Variants in ATP8B4 observed in about 807,000 individuals in gnomAD.
ATP8B4 encodes ATPase phospholipid transporting 8B4 (putative), also known as probable phospholipid-transporting ATPase IM.
A neutral mutation model predicts 145.6 loss-of-function variants in ATP8B4; 133 were observed. That is an observed-to-expected ratio of 0.91 (90% confidence interval 0.79 to 1.05). ATP8B4 has a LOEUF of 1.05. Ranked by LOEUF, ATP8B4 falls within the 50% of genes least tolerant of loss-of-function variation. The probability of loss-of-function intolerance (pLI) is 0.00; values close to 1 mark genes in which losing one functional copy is unlikely to be tolerated. For missense variants in ATP8B4, 1,458 were observed against 1,425.2 expected, an observed-to-expected ratio of 1.02 and a Z score of -0.37; for synonymous variants, 507 against 492.9, an observed-to-expected ratio of 1.03 and a Z score of -0.38.
chr15:50,008,312 G>A (rs2048468192), intron 7 of ATP8B4, among the ~76,000 whole-genome samples: 2 of 152,140 alleles, frequency 1.3e-5, no homozygotes, highest in African/African-American at 2.4e-5. Flanking sequence ...GACACTCCTA[G>A]GAGAGAGGCG....
chr15:50,165,975 A>AGAG, intron 1 of ATP8B4, among the ~76,000 whole-genome samples: 1 of 73,790 alleles, frequency 1.4e-5, no homozygotes, highest in Non-Finnish European at 2.7e-5. Flanking sequence ...CAGAGAACAC[A>AGAG]CACACACACA....
At chr15:49,917,659 T>G (rs2039878569) in intron 19 of ATP8B4, among the ~76,000 whole-genome samples, 1 of 152,212 alleles carries the variant, frequency 6.6e-6, no homozygotes, top group African/African-American at 2.4e-5. Flanking sequence ...ATTCTTCCTC[T>G]AATTTTATAG....
At chr15:50,044,557 A>C (rs777613381) in intron 5 of ATP8B4, 37 bp downstream of exon 5, 37 of 1,421,040 alleles carry the variant, frequency 2.6e-5, no homozygotes, top group Middle Eastern at 3.5e-4. Context: ...CACAACTGAA[A>C]TTGAGACCTC....
At chr15:49,963,551 A>T (rs1341278955) in intron 13 of ATP8B4, among the ~76,000 whole-genome samples, 2 of 152,242 alleles carry the variant, frequency 1.3e-5, no homozygotes, top group Non-Finnish European at 1.5e-5. Context: ...AATGTGGTAC[A>T]TATACACTAT....
intron 13 of ATP8B4, among the ~76,000 whole-genome samples, chr15:49,966,921 G>C (rs979766590): frequency 6.6e-6 from 1 of 152,192 alleles, no homozygotes; most frequent in African/African-American, 2.4e-5. Context: ...CCAGAGGAAA[G>C]AACAGGCAGC....
chr15:50,022,803 T>C (rs2049684788), intron 6 of ATP8B4, among the ~76,000 whole-genome samples: 1 of 152,216 alleles, frequency 6.6e-6, no homozygotes. Context: ...GGGGAAAGCC[T>C]TGGGCTCAGG....
At chr15:49,875,527 G>C (rs1034341747) in intron 25 of ATP8B4, among the ~76,000 whole-genome samples, 1 of 152,198 alleles carries the variant, frequency 6.6e-6, no homozygotes, top group African/African-American at 2.4e-5. Flanking sequence ...CGGAGCTACA[G>C]ATAGTAATAG....
In ATP8B4 at chr15:50,138,412, T is replaced by C. The variant is rs925860628; in HGVS notation, c.-42-31404A>G. On this transcript the variant is annotated intron_variant, in intron 1 of 3. Transcript: ENST00000558829. The stretch of plus-strand genomic sequence containing the variant: ...GACAGACAGACAGACAGAGAGATGA[T>C]AGATAGATAGAGAGATAGACAGACA... Among the ~76,000 whole-genome samples, 20 of 62,448 alleles carry C rather than the reference T, an allele frequency of 3.2e-4. No homozygotes were observed. The South Asian group carries it at 0.011, about 35-fold the overall frequency. The allele number at this position is 62,448 out of a possible 152,430, so 41.0% of individuals were successfully genotyped here.
rs2045278874 is a variant in ATP8B4 at position 49,972,715 on chromosome 15, T to C, written c.1110A>G (p.Ile370Met). The C allele has an allele frequency of 6.2e-7, 1 of 1,613,912 alleles. No homozygotes were observed. Among genetic ancestry groups the C allele is most frequent in the African/African-American group, 1.3e-5 (1 of 74,888 alleles). ...DRKMYYSRKAIPAVARTTTLN... is the reference protein window; with the variant it reads ...DRKMYYSRKAMPAVARTTTLN... ...GCGTGGTCGTTCGAGCCACTGCAGG[T>C]ATTGCTTTTCGAGAATAATACATCT... Residue 370 changes from isoleucine (I) to methionine (M), a missense_variant, in exon 13 of 28, where the codon ATA becomes ATG. Transcript: ENST00000284509.
intron 2 of ATP8B4, among the ~76,000 whole-genome samples, chr15:50,085,022 C>T (rs748341117): frequency 6.6e-6 from 1 of 152,036 alleles, no homozygotes; most frequent in Admixed American, 6.6e-5. Flanking sequence ...TTTTGCCTAC[C>T]GCAAGTCTTA....
chr15:50,039,108 G>A (rs751975591), intron 5 of ATP8B4, among the ~76,000 whole-genome samples: 1 of 152,142 alleles, frequency 6.6e-6, no homozygotes, highest in Non-Finnish European at 1.5e-5. Context: ...AAGACAATAT[G>A]CTCTCTACTG....
rs1332760129 is a variant in ATP8B4 at position 49,923,373 on chromosome 15, A to G, written c.1758+6T>C. 6.3e-7 allele frequency: 1 copy of G among 1,591,292 alleles called. No homozygotes were observed. The highest frequency in any genetic ancestry group is 8.6e-7 in the Non-Finnish European group (1 of 1,159,906). ...ATTGTGCTAACCTTAAGACGGAGGC[A>G]CTTACACTGAGGTGGTCTGACGTCA... On this transcript the variant is annotated splice_donor_region_variant and intron_variant, in intron 17 of 27. Transcript: ENST00000284509.
chr15:49,895,371 C>T (rs1034050036), intron 23 of ATP8B4: 1 of 152,218 alleles, frequency 6.6e-6, no homozygotes, highest in South Asian at 2.1e-4. Context: ...CAGGTGATTC[C>T]TATGCACGCT....
At chr15:50,102,661 GAC>G (rs2056438007) in intron 2 of ATP8B4, among the ~76,000 whole-genome samples, 4 of 151,816 alleles carry the variant, frequency 2.6e-5, no homozygotes, top group Non-Finnish European at 5.9e-5. Flanking sequence ...AATTCTATCA[GAC>G]ATTCAAAGAA....
At chr15:50,091,294 C>T (rs2055595925) in intron 2 of ATP8B4, among the ~76,000 whole-genome samples, 1 of 152,104 alleles carries the variant, frequency 6.6e-6, no homozygotes, top group Non-Finnish European at 1.5e-5. Context: ...CTGCTTACCC[C>T]ATATGTCAGA....
At chr15:49,870,729 C>T (rs1419361197) in intron 25 of ATP8B4, among the ~76,000 whole-genome samples, 1 of 152,224 alleles carries the variant, frequency 6.6e-6, no homozygotes, top group Non-Finnish European at 1.5e-5. Context: ...TGGTTACAAA[C>T]ATTTACATAC....
intron 6 of ATP8B4, among the ~76,000 whole-genome samples, chr15:50,030,541 TGAG>T (rs944795424): frequency 9.2e-5 from 14 of 152,136 alleles, no homozygotes; most frequent in African/African-American, 3.4e-4. Flanking sequence ...GGCCAAAAAC[TGAG>T]GAGAACTTTG....
chr15:50,070,071 A>G (rs1031200806), intron 3 of ATP8B4, among the ~76,000 whole-genome samples: 1 of 152,224 alleles, frequency 6.6e-6, no homozygotes, highest in Non-Finnish European at 1.5e-5. Flanking sequence ...TATAAGATTA[A>G]ATAAGTTTAA....
At chr15:49,970,223 G>T (rs2044972461) in intron 13 of ATP8B4, among the ~76,000 whole-genome samples, 3 of 152,292 alleles carry the variant, frequency 2.0e-5, no homozygotes, top group African/African-American at 7.2e-5. Context: ...AGACAAGGAT[G>T]CTCTCTCTCG....
Sources: allele counts gnomAD v4.1 joint callset (sites outside exome capture counted in the v4.1 genomes callset), GRCh38; gene constraint gnomAD v4.1.1; transcripts MANE v1.5; gene names NCBI Gene and HGNC (gene_info 2026-07-23, HGNC 2026-07-21).